FAM53A: variants seen among roughly 807,000 people sequenced by gnomAD.
FAM53A encodes the protein protein FAM53A.
A neutral mutation model predicts 26.6 loss-of-function variants in FAM53A; 28 were observed. That is an observed-to-expected ratio of 1.05 (90% confidence interval 0.78 to 1.45). The LOEUF (loss-of-function observed/expected upper bound fraction) is 1.45. Among genes scored for constraint, FAM53A ranks in the 40% most tolerant of loss-of-function variants. The pLI, the probability that FAM53A is intolerant of heterozygous loss-of-function variation, is 0.00. For missense variants in FAM53A, 650 were observed against 575.8 expected, an observed-to-expected ratio of 1.13 and a Z score of -1.32; for synonymous variants, 290 against 253.1, an observed-to-expected ratio of 1.15 and a Z score of -1.38.
rs781524849 is a variant in FAM53A at position 1,630,514 on chromosome 4, GGCAAGA to G, written c.432-12409_432-12404del. 6.6e-6 allele frequency among the ~76,000 whole-genome samples: 1 copy of G among 152,238 alleles called. No homozygotes were observed. Among genetic ancestry groups the G allele is most frequent in the Non-Finnish European group, 1.5e-5 (1 of 68,052 alleles). On this transcript the variant is annotated intron_variant, in intron 1 of 1. Coordinates refer to the FAM53A transcript ENST00000489029. The surrounding 1 kb of genome is among the most constrained non-coding windows in gnomAD (Gnocchi z 4.3). ...CACGAATCGTGTATGGGGACACACA[GGCAAGA>G]GCAGGGTCTACAAAAATACACGCCC...
intron 1 of FAM53A, among the ~76,000 whole-genome samples, chr4:1,619,686 T>C (rs1400878228): frequency 6.6e-6 from 1 of 152,120 alleles, no homozygotes; most frequent in East Asian, 1.9e-4. Flanking sequence ...CCTTGCGCTT[T>C]GTCTTTTACT....
At position 1,632,191 on chromosome 4, in the gene FAM53A, T is replaced by G. The variant is rs369635488; in HGVS notation, c.432-14080A>C. ...AAAAAAAAAAAAAAAAGTTTAGTAT[T>G]TGGAGATACGGTCTCTAAAGAGGTA... On this transcript the variant is annotated intron_variant, in intron 1 of 1. Coordinates refer to the FAM53A transcript ENST00000489029. Among the ~76,000 whole-genome samples the G allele has an allele frequency of 2.0e-5, 3 of 151,416 alleles. No homozygotes were observed. In the East Asian group the frequency reaches 5.8e-4, roughly 29 times the overall value.
At chr4:1,624,693 C>T (rs116386137) in intron 1 of FAM53A, among the ~76,000 whole-genome samples, 12 of 152,340 alleles carry the variant, frequency 7.9e-5, no homozygotes, top group Admixed American at 1.3e-4. Context: ...CGCCACGCTG[C>T]GGGTCTGGCT....
chr4:1,650,273 T>C (rs1712651235), intron 4 of FAM53A, among the ~76,000 whole-genome samples: 1 of 141,954 alleles, frequency 7.0e-6, no homozygotes, highest in Non-Finnish European at 1.5e-5. Context: ...GGCGTGGCGT[T>C]TGACTGTGAG....
At chr4:1,577,666 G>C in the FAM53A span, among the ~76,000 whole-genome samples, 1 of 152,236 alleles carries the variant, frequency 6.6e-6, no homozygotes, top group African/African-American at 2.4e-5. Context: ...AATTAACAAT[G>C]TTGGAGCGAG....
intron 1 of FAM53A, among the ~76,000 whole-genome samples, chr4:1,675,523 G>C (rs1244886395): frequency 6.6e-6 from 1 of 152,042 alleles, no homozygotes; most frequent in Non-Finnish European, 1.5e-5. Flanking sequence ...GCTCCCAAAG[G>C]CTCCTTGTAA....
chr4:1,642,032 C>G (rs1033471058), intron 4 of FAM53A, among the ~76,000 whole-genome samples: 12 of 152,116 alleles, frequency 7.9e-5, no homozygotes, highest in African/African-American at 2.9e-4. Flanking sequence ...TGACAACAGC[C>G]CCACCCAGGG....
At chr4:1,607,027 T>C in the FAM53A span, among the ~76,000 whole-genome samples, 2,251 of 152,310 alleles carry the variant, frequency 0.015, 64 homozygotes, top group African/African-American at 0.051. Context: ...TTTTTTGTTT[T>C]CTTTCTTTTG....
In FAM53A at chr4:1,641,290, G is replaced by T; in HGVS notation, c.*3C>A. The stretch of plus-strand genomic sequence containing the variant: ...CCATGGCCCCGACCAGCCCCCACCA[G>T]CCTCAGTTGTTCTCGATCTGCTCCA... On this transcript the variant is annotated 3_prime_UTR_variant, in exon 5 of 5. Transcript: ENST00000308132. 4 of 1,612,796 alleles carry T rather than the reference G, an allele frequency of 2.5e-6. No homozygotes were observed. The highest frequency in any genetic ancestry group is 3.4e-6 in the Non-Finnish European group (4 of 1,179,824).
At chr4:1,681,841 C>A (rs954491313) in intron 1 of FAM53A, among the ~76,000 whole-genome samples, 3 of 152,076 alleles carry the variant, frequency 2.0e-5, no homozygotes, top group African/African-American at 7.2e-5. Context: ...ATCATTGTAA[C>A]CACTCCACTG....
intron 2 of FAM53A, among the ~76,000 whole-genome samples, chr4:1,666,829 A>T (rs1714270298): frequency 6.6e-6 from 1 of 152,170 alleles, no homozygotes; most frequent in Admixed American, 6.5e-5. Context: ...CCCCGTCTCT[A>T]CTAAAAATAC....
chr4:1,679,013 T>C (rs1715224402), intron 1 of FAM53A, among the ~76,000 whole-genome samples: 2 of 152,014 alleles, frequency 1.3e-5, no homozygotes, highest in Admixed American at 6.6e-5. Flanking sequence ...AAAGAAAGAA[T>C]TGTTATGTTG....
At chr4:1,585,278 T>A in the FAM53A span, among the ~76,000 whole-genome samples, 1 of 48,954 alleles carries the variant, frequency 2.0e-5, no homozygotes, top group Admixed American at 2.1e-4. Flanking sequence ...CTCTCTCTCT[T>A]TTTTTTTTTT....
chr4:1,605,770 G>A, the FAM53A span, among the ~76,000 whole-genome samples: 12 of 152,196 alleles, frequency 7.9e-5, no homozygotes, highest in East Asian at 2.3e-3. The surrounding 1 kb of genome is among the most constrained non-coding windows in gnomAD (Gnocchi z 5.7). Flanking sequence ...AAACCCTGGG[G>A]CGGGCACAGC....
the FAM53A span, among the ~76,000 whole-genome samples, chr4:1,595,965 C>T: frequency 8.0e-4 from 122 of 152,358 alleles, no homozygotes; most frequent in African/African-American, 2.8e-3. Context: ...GCCCAAGGCA[C>T]GGCTGAGCTC....
At chr4:1,586,280 G>A in the FAM53A span, among the ~76,000 whole-genome samples, 1 of 151,676 alleles carries the variant, frequency 6.6e-6, no homozygotes, top group Non-Finnish European at 1.5e-5. Flanking sequence ...CACAATCTCT[G>A]CCTCCTGGGT....
chr4:1,627,323 G>A (rs1162737881), intron 1 of FAM53A, among the ~76,000 whole-genome samples: 3 of 152,238 alleles, frequency 2.0e-5, no homozygotes, highest in Admixed American at 6.5e-5. Context: ...CTTGGTTGGT[G>A]TTTCTGTTCC....
At chr4:1,684,656 G>A (rs904550402), upstream of FAM53A, among the ~76,000 whole-genome samples, 13 of 152,012 alleles carry the variant, frequency 8.6e-5, no homozygotes, top group Admixed American at 3.3e-4. Flanking sequence ...AGCGAGGAGG[G>A]CCCGGTCGGC....
intron 1 of FAM53A, among the ~76,000 whole-genome samples, chr4:1,622,718 C>G (rs1715098354): frequency 6.6e-6 from 1 of 152,152 alleles, no homozygotes; most frequent in Non-Finnish European, 1.5e-5. Context: ...TTGGCTGGGC[C>G]CAGGCTGGGA....
Sources: allele counts gnomAD v4.1 joint callset (sites outside exome capture counted in the v4.1 genomes callset), GRCh38; gene constraint gnomAD v4.1.1; non-coding constraint Gnocchi (gnomAD v3.1); transcripts MANE v1.5; gene names NCBI Gene and HGNC (gene_info 2026-07-23, HGNC 2026-07-21).